Variants in TENM3 observed in about 807,000 individuals in gnomAD.
TENM3 encodes the protein teneurin-3.
Under a neutral mutation model 255.1 loss-of-function variants are expected in TENM3, and 63 were observed. That is an observed-to-expected ratio of 0.25 (90% CI 0.20 to 0.30). The LOEUF (loss-of-function observed/expected upper bound fraction) is 0.30. TENM3 is among the 10% of genes least tolerant of loss of function. The probability of loss-of-function intolerance (pLI) is 1.00; values close to 1 mark genes in which losing one functional copy is unlikely to be tolerated. For synonymous variants in TENM3, 1,306 were observed against 1,322.3 expected (o/e 0.99, Z 0.27); for missense variants, 2,929 against 3,461.1 (o/e 0.85, Z 3.86).
chr4:181,511,791 G>C, the TENM3 span, among the ~76,000 whole-genome samples: 1 of 152,110 alleles, frequency 6.6e-6, no homozygotes, highest in Non-Finnish European at 1.5e-5. Flanking sequence ...GAGGACTGTG[G>C]ACCACCAGCG....
the TENM3 span, among the ~76,000 whole-genome samples, chr4:181,633,688 T>C: frequency 6.6e-6 from 1 of 152,218 alleles, no homozygotes; most frequent in Non-Finnish European, 1.5e-5. Flanking sequence ...GACTCAGAAC[T>C]GATGTCTGAA....
chr4:182,131,321 A>G, the TENM3 span, among the ~76,000 whole-genome samples: 1 of 152,186 alleles, frequency 6.6e-6, no homozygotes, highest in Non-Finnish European at 1.5e-5. Context: ...CCACACTACT[A>G]TGGATCTGTT....
At chr4:182,332,102 C>G (rs73009441) in intron 2 of TENM3, among the ~76,000 whole-genome samples, 12,529 of 151,900 alleles carry the variant, frequency 0.082, 542 homozygotes, top group African/African-American at 0.11. Flanking sequence ...TCTAAAGAAA[C>G]ATTAAAAATT....
chr4:182,420,630 A>G (rs539006905), intron 3 of TENM3, among the ~76,000 whole-genome samples: 1 of 152,338 alleles, frequency 6.6e-6, no homozygotes, highest in Admixed American at 6.5e-5. Context: ...CAGGGCCACT[A>G]AGGGAAAACT....
At chr4:182,234,192 CTCTG>C (rs1756752494) in intron 1 of TENM3, among the ~76,000 whole-genome samples, 1 of 152,110 alleles carries the variant, frequency 6.6e-6, no homozygotes, top group African/African-American at 2.4e-5. Context: ...TCTCTCTAAC[CTCTG>C]TCTTAGAGGT....
At chr4:182,205,189 C>A (rs1328694297) in intron 1 of TENM3, among the ~76,000 whole-genome samples, 1 of 152,220 alleles carries the variant, frequency 6.6e-6, no homozygotes, top group Non-Finnish European at 1.5e-5. Flanking sequence ...CAAATGGAAA[C>A]TCTTCCACCC....
chr4:182,622,499 T>C (rs1750393335), intron 4 of TENM3, among the ~76,000 whole-genome samples: 1 of 152,216 alleles, frequency 6.6e-6, no homozygotes, highest in African/African-American at 2.4e-5. Flanking sequence ...TCTCACGTAG[T>C]AGATATTCAC....
chr4:182,753,413 T>C (rs778986679), intron 20 of TENM3, 37 bp from the exon 21 acceptor site: 19 of 1,585,790 alleles, frequency 1.2e-5, no homozygotes, highest in Non-Finnish European at 1.6e-5. Context: ...GTAACCATTT[T>C]TGAAAAATTA....
intron 3 of TENM3, among the ~76,000 whole-genome samples, chr4:182,585,768 CA>C (rs1300824517): frequency 6.6e-6 from 1 of 152,312 alleles, no homozygotes; most frequent in East Asian, 1.9e-4. Context: ...CTTCTATGGA[CA>C]ATTTTAACAA....
chr4:181,749,905 G>A, the TENM3 span, among the ~76,000 whole-genome samples: 1 of 152,088 alleles, frequency 6.6e-6, no homozygotes, highest in African/African-American at 2.4e-5. Context: ...CCCGAAATAT[G>A]TCTCTTACGG....
chr4:181,496,587 A>C, the TENM3 span, among the ~76,000 whole-genome samples: 1 of 152,232 alleles, frequency 6.6e-6, no homozygotes, highest in African/African-American at 2.4e-5. Flanking sequence ...TATAATTTTA[A>C]ATGCTCCTTT....
chr4:182,297,637 A>G (rs2150353971), intron 1 of TENM3, among the ~76,000 whole-genome samples: 1 of 152,304 alleles, frequency 6.6e-6, no homozygotes, highest in South Asian at 2.1e-4. Context: ...TATTAACCCT[A>G]TACTAAGAAT....
the TENM3 span, among the ~76,000 whole-genome samples, chr4:181,772,269 T>C: frequency 2.0e-5 from 3 of 151,920 alleles, no homozygotes; most frequent in African/African-American, 7.3e-5. Context: ...TCCCAGCTAC[T>C]TGGGAGGCTG....
chr4:182,477,061 T>G (rs940876011), intron 3 of TENM3, among the ~76,000 whole-genome samples: 1 of 152,234 alleles, frequency 6.6e-6, no homozygotes, highest in Non-Finnish European at 1.5e-5. Context: ...AAATATTTAT[T>G]TCAAGGATTG....
chr4:181,840,623 T>A, the TENM3 span, among the ~76,000 whole-genome samples: 1 of 152,094 alleles, frequency 6.6e-6, no homozygotes, highest in Admixed American at 6.5e-5. Context: ...AATTCCAACA[T>A]ATGATATAGA....
chr4:181,694,820 T>C, the TENM3 span, among the ~76,000 whole-genome samples: 1 of 152,220 alleles, frequency 6.6e-6, no homozygotes, highest in Non-Finnish European at 1.5e-5. Flanking sequence ...AAAACATGTT[T>C]ATCACTGGCT....
intron 1 of TENM3, among the ~76,000 whole-genome samples, chr4:182,234,093 A>T (rs577440686): frequency 6.6e-6 from 1 of 151,922 alleles, no homozygotes; most frequent in South Asian, 2.1e-4. Flanking sequence ...AAATGCAGAA[A>T]CCTCCAAGTT....
intron 12 of TENM3, among the ~76,000 whole-genome samples, chr4:182,708,819 T>C (rs1254447963): frequency 6.8e-6 from 1 of 148,072 alleles, no homozygotes; most frequent in Non-Finnish European, 1.5e-5. Context: ...AAAAAAGATG[T>C]GAGACCCAGA....
At chr4:182,142,902 G>C (rs564116116), upstream of TENM3, 2 of 167,042 alleles carry the variant, frequency 1.2e-5, no homozygotes, top group African/African-American at 2.4e-5. Flanking sequence ...GCCAGAGAGC[G>C]GTTCGGCTCA....
Sources: gnomAD v4.1 joint callset for allele counts (sites outside exome capture counted in the v4.1 genomes callset) on GRCh38, gnomAD v4.1.1 for gene constraint, MANE v1.5 for transcripts, NCBI Gene and HGNC (gene_info 2026-07-23, HGNC 2026-07-21) for gene names.